The following PRKDC variants were observed in gnomAD, a reference collection of about 807,000 sequenced individuals.
PRKDC encodes protein kinase, DNA-activated, catalytic subunit, also known as DNA-dependent protein kinase catalytic subunit.
A neutral mutation model predicts 486.9 loss-of-function variants in PRKDC; 82 were observed. That is an observed-to-expected ratio of 0.17 (90% CI 0.14 to 0.20). The LOEUF (loss-of-function observed/expected upper bound fraction) is 0.20, where lower values mean the gene tolerates loss of function less well. Among genes scored for constraint, PRKDC ranks in the 10% least tolerant of loss-of-function variants. The pLI is 1.00. For missense variants in PRKDC, 4,504 were observed against 5,038.2 expected, an observed-to-expected ratio of 0.89 and a Z score of 3.21; for synonymous variants, 1,895 against 1,837.0, an observed-to-expected ratio of 1.03 and a Z score of -0.81.
At chr8:47,953,476 G>T (rs555947448) in intron 7 of PRKDC, 144 bp downstream of exon 7, 2 of 761,574 alleles carry the variant, frequency 2.6e-6, no homozygotes, top group Non-Finnish European at 4.4e-6. Flanking sequence ...AGGGGAACTC[G>T]GGAGGGCCCA....
At chr8:47,959,668 G>C (rs903467005) in intron 1 of PRKDC, among the ~76,000 whole-genome samples, 4 of 150,960 alleles carry the variant, frequency 2.6e-5, no homozygotes, top group Non-Finnish European at 2.9e-5. Context: ...GACAGAGCGA[G>C]ACTCCGTCTC....
At chr8:47,820,400 A>C (rs2087561459) in intron 66 of PRKDC, among the ~76,000 whole-genome samples, 1 of 152,078 alleles carries the variant, frequency 6.6e-6, no homozygotes, top group South Asian at 2.1e-4. Context: ...AACAAACAAA[A>C]AAACACCCTA....
In PRKDC at chr8:47,786,363, G is replaced by C. The variant is rs180892018; in HGVS notation, c.10903-1046C>G. 2.5e-3 allele frequency among the ~76,000 whole-genome samples: 387 copies of C among 152,286 alleles called. 2 individuals are homozygous for C. Among genetic ancestry groups the C allele is most frequent in the Admixed American group, 5.0e-3 (76 of 15,292 alleles). On this transcript the variant is annotated intron_variant, in intron 76 of 85. Transcript: ENST00000314191. The stretch of plus-strand genomic sequence containing the variant: ...GGAGGCGGAGGTTGCAGTGAGCCGA[G>C]ATCATGCCACCGCACTCCAGCCTGG...
chr8:47,795,666 G>A (rs1040602949), intron 73 of PRKDC, among the ~76,000 whole-genome samples: 11 of 151,400 alleles, frequency 7.3e-5, no homozygotes, highest in Non-Finnish European at 1.3e-4. Flanking sequence ...GCTAATTTTT[G>A]TACTTTTAGT....
chr8:47,829,919 A>G (rs2087825123), intron 61 of PRKDC, among the ~76,000 whole-genome samples: 2 of 152,226 alleles, frequency 1.3e-5, no homozygotes, highest in Admixed American at 6.5e-5. Flanking sequence ...CAGAACTAGA[A>G]AAAACTATTC....
chr8:47,900,345 G>A (rs753073752), intron 28 of PRKDC, 28 bp downstream of exon 28: 18 of 1,546,862 alleles, frequency 1.2e-5, no homozygotes, highest in Non-Finnish European at 1.2e-5. Context: ...GACCTGTAAC[G>A]CACACAGAAC....
intron 70 of PRKDC, among the ~76,000 whole-genome samples, chr8:47,801,538 T>C (rs2087109225): frequency 6.6e-6 from 1 of 152,240 alleles, no homozygotes; most frequent in Non-Finnish European, 1.5e-5. Context: ...ATTGAAACTT[T>C]ATGAATTAAC....
intron 56 of PRKDC, among the ~76,000 whole-genome samples, chr8:47,837,947 C>G (rs989669453): frequency 6.6e-6 from 1 of 151,986 alleles, no homozygotes; most frequent in Non-Finnish European, 1.5e-5. Context: ...ACCAGCCTGA[C>G]CAACATGGTG....
intron 42 of PRKDC, 82 bp from the exon 43 acceptor site, chr8:47,862,623 C>T: frequency 6.7e-6 from 9 of 1,353,066 alleles, no homozygotes; most frequent in Non-Finnish European, 9.0e-6. Context: ...ACAACAGGAC[C>T]TAATGCCATT....
chr8:47,953,787 T>C lies in PRKDC; in HGVS notation c.621+20A>G. 2 of 1,573,168 alleles carry C rather than the reference T, an allele frequency of 1.3e-6. No homozygotes were observed. The highest frequency in any genetic ancestry group is 1.7e-6 in the Non-Finnish European group (2 of 1,156,794). On this transcript the variant is annotated intron_variant, in intron 6 of 85. Transcript: ENST00000314191. ...CACAACCACATCTATGGAAGCAGAA[T>C]GTCATAAAGTTCATCATACCTGGGT... is the stretch of plus-strand genomic sequence containing the variant.
At chr8:47,888,781 G>C (rs2089391463) in intron 33 of PRKDC, 131 bp from the exon 34 acceptor site, 1 of 1,317,818 alleles carries the variant, frequency 7.6e-7, no homozygotes, top group Non-Finnish European at 1.0e-6. Flanking sequence ...CACGCACTAA[G>C]CTAGCATGGA....
At chr8:47,956,245 C>T (rs754008443) in intron 3 of PRKDC, among the ~76,000 whole-genome samples, 2 of 151,870 alleles carry the variant, frequency 1.3e-5, no homozygotes, top group African/African-American at 2.4e-5. Flanking sequence ...GCCTGTAATC[C>T]CAGCTACTCA....
At chr8:47,819,287 G>C (rs2087527623) in intron 67 of PRKDC, 115 bp downstream of exon 67, 2 of 616,162 alleles carry the variant, frequency 3.2e-6, no homozygotes, top group African/African-American at 3.9e-5. Flanking sequence ...AAATTCGATG[G>C]AGTTTCCAAC....
chr8:47,853,738 G>GA (rs752069297), intron 51 of PRKDC, among the ~76,000 whole-genome samples: 5 of 152,136 alleles, frequency 3.3e-5, no homozygotes, highest in African/African-American at 7.2e-5. Flanking sequence ...GCATGGATAT[G>GA]AAAAAATCAC....
chr8:47,878,525 T>A (rs2089138997), intron 39 of PRKDC, among the ~76,000 whole-genome samples: 2 of 152,170 alleles, frequency 1.3e-5, no homozygotes, highest in South Asian at 4.1e-4. Flanking sequence ...TCGCCCTTAC[T>A]CTGATTCTGG....
At chr8:47,898,897 G>A (rs1190376277) in intron 28 of PRKDC, among the ~76,000 whole-genome samples, 1 of 152,328 alleles carries the variant, frequency 6.6e-6, no homozygotes, top group Non-Finnish European at 1.5e-5. Context: ...TCTCCTAATG[G>A]ACCTGAGATG....
chr8:47,881,222 C>T (rs2089208871), intron 38 of PRKDC, among the ~76,000 whole-genome samples, 194 bp downstream of exon 38: 1 of 152,014 alleles, frequency 6.6e-6, no homozygotes, highest in Admixed American at 6.6e-5. Context: ...GGGTTGACCG[C>T]ACAGGTGAAA....
chr8:47,931,986 G>T (rs1422806514), intron 16 of PRKDC, among the ~76,000 whole-genome samples: 1 of 152,148 alleles, frequency 6.6e-6, no homozygotes, highest in Non-Finnish European at 1.5e-5. Context: ...CGCCTCCCGG[G>T]TTCACGCCAT....
intron 31 of PRKDC, among the ~76,000 whole-genome samples, chr8:47,892,042 G>C (rs2089471063): frequency 6.6e-6 from 1 of 151,950 alleles, no homozygotes; most frequent in Admixed American, 6.6e-5. Context: ...ACTAATTTTT[G>C]TATTTTTGGT....
Sources: gnomAD v4.1 joint callset for allele counts (sites outside exome capture counted in the v4.1 genomes callset) on GRCh38, gnomAD v4.1.1 for gene constraint, MANE v1.5 for transcripts, NCBI Gene and HGNC (gene_info 2026-07-23, HGNC 2026-07-21) for gene names.